Variants in TSC22D2 observed in about 807,000 individuals in gnomAD.
TSC22D2 encodes the protein TSC22 domain family protein 2.
Under a neutral mutation model 50.1 loss-of-function variants are expected in TSC22D2, and 5 were observed. The ratio of observed to expected loss-of-function variants is 0.10; its 90% CI spans 0.05 to 0.21. TSC22D2 has a LOEUF of 0.21. TSC22D2 is among the 10% of genes least tolerant of loss of function. The probability of loss-of-function intolerance (pLI) is 1.00; values close to 1 mark genes in which losing one functional copy is unlikely to be tolerated. For missense variants in TSC22D2, 1,003 were observed against 1,015.5 expected (o/e 0.99, Z 0.17); for synonymous variants, 501 against 450.1 (o/e 1.11, Z -1.43).
chr3:150,458,209 G>A (rs4423794), intron 2 of TSC22D2, among the ~76,000 whole-genome samples, 167 bp from the exon 3 acceptor site: 53,811 of 151,698 alleles, frequency 0.35, 9,863 homozygotes, highest in Middle Eastern at 0.54. Context: ...GTTGGGAACT[G>A]GATTTTTTCC....
chr3:150,424,033 C>G (rs923350365), intron 1 of TSC22D2, among the ~76,000 whole-genome samples: 1 of 152,120 alleles, frequency 6.6e-6, no homozygotes, highest in African/African-American at 2.4e-5. Context: ...AGACATGATA[C>G]ACATTGCCTA....
rs992488921 is a variant in TSC22D2, at chr3:150,462,562, T to A, written c.*3926T>A. 2 of 152,076 alleles carry A rather than the reference T, an allele frequency of 1.3e-5. No individual in the cohort carries two copies. The highest frequency in any genetic ancestry group is 4.8e-5 in the African/African-American group (2 of 41,390). 9.4% of individuals were successfully genotyped at this position (152,076 alleles called of 1,614,324 possible). A position where few individuals can be genotyped will look rare whatever the true frequency, so the allele number is the denominator to read the frequency against. Reference sequence around the variant, plus strand: ...AGGAAGTTTGTCTTGGGTCTTTCTGTACCATTTTCCTCTCCACAATGAACA... The same window carrying A: ...AGGAAGTTTGTCTTGGGTCTTTCTGAACCATTTTCCTCTCCACAATGAACA... On this transcript the variant is annotated 3_prime_UTR_variant, in exon 3 of 3. Transcript: ENST00000688009.
intron 1 of TSC22D2, among the ~76,000 whole-genome samples, chr3:150,411,822 A>C (rs759547113): frequency 2.0e-5 from 3 of 152,214 alleles, no homozygotes; most frequent in African/African-American, 4.8e-5. Context: ...TGAAATGTCA[A>C]ATCCGGCTTT....
At position 150,461,184 on chromosome 3, in the gene TSC22D2, A is replaced by G. The variant is rs747055087; in HGVS notation, c.*2548A>G. 2 of 152,122 alleles carry G rather than the reference A, an allele frequency of 1.3e-5. No homozygotes were observed. Among genetic ancestry groups the G allele is most frequent in the Non-Finnish European group, 2.9e-5 (2 of 68,016 alleles). 9.4% of individuals were successfully genotyped at this position (152,122 alleles called of 1,614,324 possible). A position where few individuals can be genotyped will look rare whatever the true frequency, so the allele number is the denominator to read the frequency against. On this transcript the variant is annotated 3_prime_UTR_variant, in exon 3 of 3. Transcript: ENST00000688009. Reference sequence around the variant, plus strand: ...GTGTAACGACAGGAGAAGATACTCAACTCATGGTCCATTGTTCAAAAATGC... The same window carrying G: ...GTGTAACGACAGGAGAAGATACTCAGCTCATGGTCCATTGTTCAAAAATGC...
At chr3:150,436,328 A>G (rs969902444) in intron 1 of TSC22D2, among the ~76,000 whole-genome samples, 2 of 152,204 alleles carry the variant, frequency 1.3e-5, no homozygotes, top group Admixed American at 1.3e-4. Flanking sequence ...TTACCGTAAC[A>G]AGGCTTTTTT....
rs890394091 is a variant in TSC22D2 at position 150,439,565 on chromosome 3, A to G, written c.1959-17511A>G. ...CTAATTTCTCTAGTATAGGATATCCATATGTAGTAGTCAGTGGCTGGGGTT... is the reference window on the plus strand; with the variant it reads ...CTAATTTCTCTAGTATAGGATATCCGTATGTAGTAGTCAGTGGCTGGGGTT... On this transcript the variant is annotated intron_variant, in intron 1 of 2. Transcript: ENST00000688009. Among the ~76,000 whole-genome samples, 5 of 152,278 alleles carry G rather than the reference A, an allele frequency of 3.3e-5. No homozygotes were observed. In the East Asian group the frequency reaches 5.8e-4, roughly 18 times the overall value.
At chr3:150,440,048 A>G (rs991262822) in intron 1 of TSC22D2, among the ~76,000 whole-genome samples, 4 of 152,200 alleles carry the variant, frequency 2.6e-5, no homozygotes, top group African/African-American at 9.7e-5. Flanking sequence ...TCACAAAGTC[A>G]TATATTAATA....
intron 1 of TSC22D2, among the ~76,000 whole-genome samples, chr3:150,424,020 T>G (rs1720094256): frequency 6.6e-6 from 1 of 152,220 alleles, no homozygotes; most frequent in Non-Finnish European, 1.5e-5. Context: ...ACATGTCATA[T>G]TAAGACATGA....
intron 1 of TSC22D2, among the ~76,000 whole-genome samples, chr3:150,421,621 A>G (rs1720012123): frequency 6.6e-6 from 1 of 152,152 alleles, no homozygotes; most frequent in Non-Finnish European, 1.5e-5. Context: ...TGAGAAATAC[A>G]CGTATTAGTC....
chr3:150,456,723 T>A (rs6810143), intron 1 of TSC22D2, among the ~76,000 whole-genome samples: 88,329 of 151,994 alleles, frequency 0.58, 26,103 homozygotes, highest in Non-Finnish European at 0.64. Flanking sequence ...TTGGTTAATG[T>A]AGAAATTTAA....
chr3:150,456,835 A>G (rs1310229050), intron 1 of TSC22D2: 7 of 471,102 alleles, frequency 1.5e-5, no homozygotes, highest in Admixed American at 4.0e-5. Context: ...AGTAGCATAC[A>G]TGTATTACAG....
Position 150,410,967 on chromosome 3 carries a change from A to G in TSC22D2, c.1617A>G (p.Gln539=), listed in dbSNP as rs770260435. The G allele has an allele frequency of 1.4e-5, 23 of 1,614,194 alleles. No individual in the cohort carries two copies. The highest frequency in any genetic ancestry group is 1.8e-5 in the Non-Finnish European group (21 of 1,180,046). ...PNVPAPLAQS[Q]QLSSHTPVSR... is the part of the protein sequence containing the mutation. ...TACCCGCGCCTCTGGCCCAGTCGCAACAGCTGAGCAGCCATACGCCAGTCA... is the reference window on the plus strand; with the variant it reads ...TACCCGCGCCTCTGGCCCAGTCGCAGCAGCTGAGCAGCCATACGCCAGTCA... Residue 539 remains glutamine, a synonymous_variant, in exon 1 of 3, where the codon CAA becomes CAG. Coordinates refer to ENST00000688009, the MANE Select transcript of TSC22D2 (RefSeq NM_001303264.2).
At chr3:150,424,346 G>T (rs1178880521) in intron 1 of TSC22D2, among the ~76,000 whole-genome samples, 1 of 152,094 alleles carries the variant, frequency 6.6e-6, no homozygotes, top group Non-Finnish European at 1.5e-5. Context: ...ATGCTTTATA[G>T]TTTCTCTTAG....
At chr3:150,449,567 G>A (rs1720980436) in intron 1 of TSC22D2, among the ~76,000 whole-genome samples, 1 of 152,092 alleles carries the variant, frequency 6.6e-6, no homozygotes, top group African/African-American at 2.4e-5. Context: ...TACTAGAAAA[G>A]TATCTTTGTG....
Position 150,409,243 on chromosome 3 carries a change from C to T in TSC22D2, c.-108C>T, listed in dbSNP as rs916136999. The T allele has an allele frequency of 1.5e-6, 2 of 1,336,312 alleles. No homozygotes were observed. The highest frequency in any genetic ancestry group is 2.0e-6 in the Non-Finnish European group (2 of 997,220). The allele number at this position is 1,336,312 out of a possible 1,614,324, so 82.8% of individuals were successfully genotyped here. A position where few individuals can be genotyped will look rare whatever the true frequency, so the allele number is the denominator to read the frequency against. On this transcript the variant is annotated 5_prime_UTR_variant, in exon 1 of 3. Coordinates refer to ENST00000688009, the MANE Select transcript of TSC22D2 (RefSeq NM_001303264.2). The surrounding 1 kb of genome is among the most constrained non-coding windows in gnomAD (Gnocchi z 7.4). ...CTTAACAGCGGCGGGCCTCAGACCC[C>T]AGCGCAGACTCGGACTTTGTCTTTG...
In TSC22D2 at chr3:150,459,572, G is replaced by GTTTTTTTTTTTTGTTTTTTTTTTT. The variant is rs1721310932; in HGVS notation, c.*948_*949insGTTTTTTTTTTTTTTTTTTTTTTT. Reference sequence around the variant, plus strand: ...TAATGGAGTTTGGTTTTTTTTTGTTGTTTTTTTTTTTTTGTCTTTTTTTTT... The same window carrying GTTTTTTTTTTTTGTTTTTTTTTTT: ...TAATGGAGTTTGGTTTTTTTTTGTTGTTTTTTTTTTTTGTTTTTTTTTTTTTTTTTTTTTTTTGTCTTTTTTTTT... On this transcript the variant is annotated 3_prime_UTR_variant, in exon 3 of 3. Transcript: ENST00000688009. 8.7e-6 allele frequency: 1 copy of GTTTTTTTTTTTTGTTTTTTTTTTT among 115,560 alleles called. No homozygotes were observed. The highest frequency in any genetic ancestry group is 1.8e-5 in the Non-Finnish European group (1 of 55,828). 7.2% of individuals were successfully genotyped at this position (115,560 alleles called of 1,614,324 possible). A position where few individuals can be genotyped will look rare whatever the true frequency, so the allele number is the denominator to read the frequency against.
chr3:150,436,351 C>G (rs928130041), intron 1 of TSC22D2, among the ~76,000 whole-genome samples: 1 of 152,014 alleles, frequency 6.6e-6, no homozygotes, highest in Non-Finnish European at 1.5e-5. Context: ...TTGGCAGGCC[C>G]TTTAACAAAG....
chr3:150,457,021 A>T lies in TSC22D2; in HGVS notation c.1959-55A>T, dbSNP rs925846243. 6 of 1,460,630 alleles carry T rather than the reference A, an allele frequency of 4.1e-6. No homozygotes were observed. The African/African-American group carries it at 8.4e-5, about 20-fold the overall frequency. 90.5% of individuals were successfully genotyped at this position (1,460,630 alleles called of 1,614,324 possible). On this transcript the variant is annotated intron_variant, in intron 1 of 2. Transcript: ENST00000688009. The stretch of plus-strand genomic sequence containing the variant: ...CAAATGTCTTTTACATTCTTTTAAG[A>T]GTTGGAAGGGAGGTTAAATTTTTTA...
At chr3:150,445,843 T>C (rs1467502665) in intron 1 of TSC22D2, among the ~76,000 whole-genome samples, 1 of 152,072 alleles carries the variant, frequency 6.6e-6, no homozygotes, top group Non-Finnish European at 1.5e-5. Flanking sequence ...CGCCTGTAAT[T>C]CCAGCACTTT....
Sources: allele counts gnomAD v4.1 joint callset (sites outside exome capture counted in the v4.1 genomes callset), GRCh38; gene constraint gnomAD v4.1.1; non-coding constraint Gnocchi (gnomAD v3.1); transcripts MANE v1.5; gene names NCBI Gene and HGNC (gene_info 2026-07-23, HGNC 2026-07-21).